DPH6: variants seen among roughly 807,000 people sequenced by gnomAD.
DPH6 encodes the protein diphthamine biosynthesis 6.
In DPH6, 33 loss-of-function variants were observed where a neutral mutation model predicts 38.2. The observed-to-expected ratio is 0.86, with a 90% confidence interval of 0.65 to 1.15. The LOEUF is 1.15. DPH6 is among the 50% of genes most tolerant of loss of function. DPH6 has a pLI of 0.00. For missense variants in DPH6, 325 were observed against 320.0 expected, an observed-to-expected ratio of 1.02 and a Z score of -0.12; for synonymous variants, 108 against 103.0, an observed-to-expected ratio of 1.05 and a Z score of -0.30.
At chr15:35,449,009 A>C (rs1316158359) in intron 5 of DPH6, among the ~76,000 whole-genome samples, 2 of 64,986 alleles carry the variant, frequency 3.1e-5, no homozygotes, top group Non-Finnish European at 7.1e-5. Context: ...GCTTAAATCC[A>C]AAAAAAGTCC....
chr15:35,339,763 T>A (rs2052405921), intron 3 of DPH6, among the ~76,000 whole-genome samples: 1 of 152,202 alleles, frequency 6.6e-6, no homozygotes, highest in Non-Finnish European at 1.5e-5. Context: ...TTTTTATGAC[T>A]TTAGTTCTTT....
intron 7 of DPH6, among the ~76,000 whole-genome samples, chr15:35,377,632 G>A (rs1436937964): frequency 6.6e-6 from 1 of 151,842 alleles, no homozygotes; most frequent in Non-Finnish European, 1.5e-5. Flanking sequence ...GGCTTCTCAG[G>A]GAAAAAACTC....
At chr15:35,227,465 G>A (rs1341178193) in intron 3 of DPH6, among the ~76,000 whole-genome samples, 4 of 151,844 alleles carry the variant, frequency 2.6e-5, no homozygotes, top group Non-Finnish European at 4.4e-5. Flanking sequence ...TTACAGGTGT[G>A]AGCCACCGTG....
intron 6 of DPH6, among the ~76,000 whole-genome samples, chr15:35,392,386 ATC>A (rs1566893067): frequency 6.7e-6 from 1 of 148,536 alleles, no homozygotes; most frequent in African/African-American, 2.5e-5. Context: ...AGTCTCACTT[ATC>A]TGTTAGTCAT....
intron 3 of DPH6, among the ~76,000 whole-genome samples, chr15:35,513,220 T>G (rs1025951849): frequency 6.6e-6 from 1 of 152,096 alleles, no homozygotes; most frequent in Non-Finnish European, 1.5e-5. Context: ...TTGAGCAACA[T>G]CTTCATATTT....
chr15:35,309,213 C>T (rs1024443218), intron 3 of DPH6, among the ~76,000 whole-genome samples: 3 of 152,126 alleles, frequency 2.0e-5, no homozygotes, highest in African/African-American at 7.2e-5. Context: ...ATCAGAAATG[C>T]CTAACCAATG....
the DPH6 span, among the ~76,000 whole-genome samples, chr15:35,173,524 G>A: frequency 6.7e-6 from 1 of 149,060 alleles, no homozygotes; most frequent in Non-Finnish European, 1.5e-5. Context: ...ACTTCAGCTA[G>A]AGTAATCTTT....
At chr15:35,266,951 A>G (rs1275592050) in intron 3 of DPH6, among the ~76,000 whole-genome samples, 1 of 152,152 alleles carries the variant, frequency 6.6e-6, no homozygotes, top group East Asian at 1.9e-4. Flanking sequence ...AAACTGAGTA[A>G]AATAATAATA....
At chr15:35,330,929 A>G (rs2052322668) in exon 4 of DPH6, 1 of 152,214 alleles carries the variant, frequency 6.6e-6, no homozygotes, top group Admixed American at 6.6e-5. Context: ...CTCACTAAAT[A>G]CTAACTAAAT....
intron 3 of DPH6, among the ~76,000 whole-genome samples, chr15:35,276,160 T>C (rs1405723665): frequency 6.6e-6 from 1 of 152,260 alleles, no homozygotes; most frequent in Non-Finnish European, 1.5e-5. Flanking sequence ...TAAGGTGGTT[T>C]TGATTTGCAT....
chr15:35,425,967 T>C (rs1479204337), intron 5 of DPH6, among the ~76,000 whole-genome samples: 1 of 151,356 alleles, frequency 6.6e-6, no homozygotes, highest in Non-Finnish European at 1.5e-5. Context: ...CAGCATTTCC[T>C]TCCCCTGCTG....
intron 5 of DPH6, among the ~76,000 whole-genome samples, chr15:35,415,785 T>C (rs1046375012): frequency 1.3e-5 from 2 of 152,026 alleles, no homozygotes; most frequent in African/African-American, 4.8e-5. Flanking sequence ...GCTAAAATCA[T>C]TGAAGTAAAT....
intron 3 of DPH6, among the ~76,000 whole-genome samples, chr15:35,266,748 C>T (rs866156148): frequency 6.6e-6 from 1 of 152,042 alleles, no homozygotes; most frequent in Non-Finnish European, 1.5e-5. Flanking sequence ...TTTAATCAAC[C>T]AATAATCAGT....
At chr15:35,489,476 A>T in intron 3 of DPH6, 3 of 982,836 alleles carry the variant, frequency 3.1e-6, no homozygotes, top group Non-Finnish European at 3.6e-6. Flanking sequence ...AAGGCATATT[A>T]GGCATATAAT....
intron 3 of DPH6, among the ~76,000 whole-genome samples, chr15:35,341,182 G>C (rs547103658): frequency 6.6e-6 from 1 of 152,238 alleles, no homozygotes; most frequent in South Asian, 2.1e-4. Context: ...TGATACTTGT[G>C]ATTGCATTGT....
intron 3 of DPH6, among the ~76,000 whole-genome samples, chr15:35,524,448 C>T (rs1025394529): frequency 6.6e-6 from 1 of 152,136 alleles, no homozygotes; most frequent in Non-Finnish European, 1.5e-5. Context: ...ATGCCTTCCC[C>T]TCCGCCTCAT....
chr15:35,540,814 G>A (rs761916525), intron 2 of DPH6, among the ~76,000 whole-genome samples: 12 of 152,164 alleles, frequency 7.9e-5, no homozygotes, highest in Non-Finnish European at 1.5e-4. Context: ...AATAATTCAT[G>A]TGAAAGCTGA....
intron 3 of DPH6, among the ~76,000 whole-genome samples, chr15:35,516,544 T>C (rs1191893612): frequency 6.6e-6 from 1 of 151,872 alleles, no homozygotes; most frequent in African/African-American, 2.4e-5. Flanking sequence ...CAAAGCGGAG[T>C]CAAACCCTAG....
intron 3 of DPH6, among the ~76,000 whole-genome samples, chr15:35,535,512 A>G (rs929429699): frequency 5.3e-5 from 8 of 152,158 alleles, no homozygotes; most frequent in Non-Finnish European, 1.0e-4. Flanking sequence ...GAAAGAATAT[A>G]ATCCCTACAT....
Sources: allele counts gnomAD v4.1 joint callset (sites outside exome capture counted in the v4.1 genomes callset), GRCh38; gene constraint gnomAD v4.1.1; transcripts MANE v1.5; gene names NCBI Gene and HGNC (gene_info 2026-07-23, HGNC 2026-07-21).